MCF2: variants seen among roughly 807,000 people sequenced by gnomAD.
The protein encoded by MCF2 is proto-oncogene DBL.
MCF2 carries 44 observed loss-of-function variants against 82.5 expected under a neutral mutation model. The ratio of observed to expected loss-of-function variants is 0.53; its 90% CI spans 0.42 to 0.69. MCF2 has a LOEUF of 0.69. MCF2 is among the 30% of genes least tolerant of loss of function. The pLI is 0.00. For missense variants in MCF2, 623 were observed against 663.1 expected, an observed-to-expected ratio of 0.94 and a Z score of 0.66; for synonymous variants, 217 against 224.9, an observed-to-expected ratio of 0.96 and a Z score of 0.32.
At position 139,613,200 on chromosome X, in the gene MCF2, T is replaced by G; in HGVS notation, c.1363+1681A>C. The G allele has an allele frequency of 9.0e-7, 1 of 1,110,573 alleles. No individual in the cohort carries two copies. The highest frequency in any genetic ancestry group is 1.2e-6 in the Non-Finnish European group (1 of 828,317). The allele number at this position is 1,110,573 out of a possible 1,213,427, so 91.5% of individuals were successfully genotyped here. A position where few individuals can be genotyped will look rare whatever the true frequency, so the allele number is the denominator to read the frequency against. On this transcript the variant is annotated intron_variant, in intron 10 of 24. Coordinates refer to ENST00000370576, the Ensembl canonical transcript of MCF2. Reference sequence around the variant, plus strand: ...GAAAAATGTATTGGCAAAAGTAATATAATAAAGATGGGTACCTTTTGAAAA... The same window carrying G: ...GAAAAATGTATTGGCAAAAGTAATAGAATAAAGATGGGTACCTTTTGAAAA...
At chrX:139,703,750 A>AAACC (rs1312783832) in intron 1 of MCF2, among the ~76,000 whole-genome samples, 1 of 111,653 alleles carries the variant, frequency 9.0e-6, no homozygotes, top group African/African-American at 3.3e-5. Context: ...ACAAACAAAC[A>AAACC]AACCAACAAA....
chrX:139,626,063 T>C lies in MCF2; in HGVS notation c.687+130A>G, dbSNP rs745903682. On this transcript the variant is annotated intron_variant, in intron 6 of 24. Transcript: ENST00000370576. The stretch of plus-strand genomic sequence containing the variant: ...TTTCTTCAGTCTAAGCCAAGGTTCA[T>C]TTACATTTGCCTCCTTTTTTTTCTT... 7.3e-4 allele frequency: 268 copies of C among 365,606 alleles called. 1 individual carries two copies. The highest frequency in any genetic ancestry group is 1.1e-3 in the Non-Finnish European group (221 of 210,002). 30.1% of individuals were successfully genotyped at this position (365,606 alleles called of 1,213,427 possible).
Position 139,673,525 on chromosome X carries a change from T to C in MCF2, c.-44-21737A>G, listed in dbSNP as rs1181781734. Among the ~76,000 whole-genome samples, 8 of 112,140 alleles carry C rather than the reference T, an allele frequency of 7.1e-5. 1 individual carries two copies. The highest frequency in any genetic ancestry group is 4.7e-4 in the Admixed American group (5 of 10,567). On this transcript the variant is annotated intron_variant, in intron 1 of 27. Coordinates refer to the MCF2 transcript ENST00000414978. ...ATTCTGGTACATTGTGTCTTTGTTC[T>C]CATTGGTTTCAAAGAACATCTTTAT...
chrX:139,687,357 G>A (rs1474056591), intron 1 of MCF2, among the ~76,000 whole-genome samples: 1 of 113,139 alleles, frequency 8.8e-6, no homozygotes, highest in Non-Finnish European at 1.9e-5. Flanking sequence ...TAACTTCTGT[G>A]ACACTGGCCT....
intron 7 of MCF2, among the ~76,000 whole-genome samples, chrX:139,618,787 G>C (rs958461932): frequency 9.0e-6 from 1 of 111,553 alleles, no homozygotes; most frequent in African/African-American, 3.2e-5. Flanking sequence ...TAAAAGCTAA[G>C]AGTTTTTTAA....
intron 1 of MCF2, among the ~76,000 whole-genome samples, chrX:139,678,244 G>A (rs1024679095): frequency 1.8e-5 from 2 of 111,859 alleles, no homozygotes; most frequent in African/African-American, 3.2e-5. Context: ...TTACTTAGGC[G>A]AATATCTTGT....
intron 1 of MCF2, among the ~76,000 whole-genome samples, chrX:139,700,297 C>G (rs190729677): frequency 1.8e-3 from 204 of 111,207 alleles, no homozygotes; most frequent in Non-Finnish European, 2.7e-3. Flanking sequence ...TTCTTAGGAG[C>G]CTACCCCTCC....
chrX:139,655,246 C>T (rs1400369347), intron 1 of MCF2, among the ~76,000 whole-genome samples: 1 of 112,133 alleles, frequency 8.9e-6, no homozygotes, highest in Non-Finnish European at 1.9e-5. Context: ...GTCATTTTAA[C>T]AATATTAATT....
chrX:139,688,204 C>A (rs923685496), intron 1 of MCF2, among the ~76,000 whole-genome samples: 9 of 111,758 alleles, frequency 8.1e-5, no homozygotes, highest in Non-Finnish European at 1.5e-4. Context: ...AGTTTAGGAG[C>A]CCAGAGGCAG....
At chrX:139,593,055 G>T (rs768364189) in intron 19 of MCF2, among the ~76,000 whole-genome samples, 2 of 112,067 alleles carry the variant, frequency 1.8e-5, no homozygotes, top group Non-Finnish European at 3.8e-5. Flanking sequence ...AGTGGTTGGG[G>T]AATTAAGGAC....
At chrX:139,597,462 T>G in exon 18 of MCF2, 1 of 1,191,530 alleles carries the variant, frequency 8.4e-7, no homozygotes, top group South Asian at 1.8e-5. Flanking sequence ...GTGCTTACAA[T>G]ATAGCCATTT....
At chrX:139,610,179 C>A in intron 11 of MCF2, 122 bp downstream of exon 15, 1 of 467,407 alleles carries the variant, frequency 2.1e-6, no homozygotes, top group South Asian at 4.0e-5. Context: ...AGCTTTTTTT[C>A]TTTTAAATAG....
intron 1 of MCF2, among the ~76,000 whole-genome samples, chrX:139,653,814 C>T (rs1008822267): frequency 1.8e-5 from 2 of 110,966 alleles, no homozygotes; most frequent in South Asian, 3.9e-4. Flanking sequence ...CCCTTCCCAG[C>T]CTCTGGTAAC....
At chrX:139,634,705 T>G (rs988925317) in intron 1 of MCF2, among the ~76,000 whole-genome samples, 12 of 111,786 alleles carry the variant, frequency 1.1e-4, no homozygotes, top group African/African-American at 3.6e-4. Flanking sequence ...GAGAAACGAC[T>G]CCCCCTTCTA....
At chrX:139,639,753 T>C (rs2148509609) in intron 1 of MCF2, among the ~76,000 whole-genome samples, 1 of 112,042 alleles carries the variant, frequency 8.9e-6, no homozygotes, top group Non-Finnish European at 1.9e-5. Context: ...CTATGCACAC[T>C]TTTCAGTTAT....
At chrX:139,624,789 G>T (rs1270484048) in intron 6 of MCF2, among the ~76,000 whole-genome samples, 1 of 111,336 alleles carries the variant, frequency 9.0e-6, no homozygotes, top group Non-Finnish European at 1.9e-5. Flanking sequence ...TCTGATAACT[G>T]TACTATGGTT....
At chrX:139,699,468 C>G (rs1217041315) in intron 1 of MCF2, among the ~76,000 whole-genome samples, 3 of 112,045 alleles carry the variant, frequency 2.7e-5, no homozygotes, top group Non-Finnish European at 5.6e-5. Flanking sequence ...CTCATCGTCC[C>G]CAAAAGAAAC....
rs1281531208 is a variant in MCF2 at position 139,626,611 on chromosome X, GA to G, written c.572+11del. ...AAAATAAGTAACTCTAAACCAAAAA[GA>G]GAGTACTCACTTATTAATAGTTTGC... On this transcript the variant is annotated intron_variant, in intron 5 of 24. Transcript: ENST00000370576. 1 of 1,196,213 alleles carries G rather than the reference GA, an allele frequency of 8.4e-7. No homozygotes were observed. Among genetic ancestry groups the G allele is most frequent in the African/African-American group, 1.8e-5 (1 of 56,743 alleles).
At chrX:139,655,217 A>C (rs1378257769) in intron 1 of MCF2, among the ~76,000 whole-genome samples, 1 of 112,006 alleles carries the variant, frequency 8.9e-6, no homozygotes, top group Non-Finnish European at 1.9e-5. Context: ...CGAATCTGTA[A>C]ATTTCTGTGG....
Sources: allele counts gnomAD v4.1 joint callset (sites outside exome capture counted in the v4.1 genomes callset), GRCh38; gene constraint gnomAD v4.1.1; transcripts MANE v1.5; gene names NCBI Gene and HGNC (gene_info 2026-07-23, HGNC 2026-07-21).